The following LRRC49 variants were observed in gnomAD, a reference collection of about 807,000 sequenced individuals.
LRRC49 encodes the protein leucine rich repeat containing 49.
In LRRC49, 50 loss-of-function variants were observed where a neutral mutation model predicts 83.3. That is an observed-to-expected ratio of 0.60 (90% CI 0.48 to 0.76). The LOEUF is 0.76. Among genes scored for constraint, LRRC49 ranks in the 30% least tolerant of loss-of-function variants. LRRC49 has a pLI of 0.00. For missense variants in LRRC49, 704 were observed against 809.1 expected, an observed-to-expected ratio of 0.87 and a Z score of 1.58; for synonymous variants, 286 against 283.3, an observed-to-expected ratio of 1.01 and a Z score of -0.10.
intron 8 of LRRC49, among the ~76,000 whole-genome samples, chr15:70,937,470 C>G (rs2035640088): frequency 1.3e-5 from 2 of 152,166 alleles, no homozygotes; most frequent in South Asian, 4.1e-4. Context: ...TCTCCTCCTT[C>G]CCAGGAGCCA....
At chr15:70,995,208 A>C (rs748993208) in intron 11 of LRRC49, among the ~76,000 whole-genome samples, 3 of 152,214 alleles carry the variant, frequency 2.0e-5, no homozygotes, top group Non-Finnish European at 4.4e-5. Context: ...TAAAGAATTA[A>C]AAACCAGAAG....
At chr15:70,899,078 A>AT (rs2033959550) in intron 3 of LRRC49, among the ~76,000 whole-genome samples, 1 of 152,158 alleles carries the variant, frequency 6.6e-6, no homozygotes, top group African/African-American at 2.4e-5. Flanking sequence ...GCTGATAGTG[A>AT]TTATGACTTC....
intron 1 of LRRC49, chr15:70,893,161 G>C: frequency 1.6e-6 from 1 of 613,832 alleles, no homozygotes; most frequent in Non-Finnish European, 2.9e-6. Context: ...CTCCCCAGAA[G>C]GTGGAGCTGG....
chr15:70,950,688 A>G (rs909129915), intron 8 of LRRC49, among the ~76,000 whole-genome samples: 1 of 152,044 alleles, frequency 6.6e-6, no homozygotes, highest in Non-Finnish European at 1.5e-5. Context: ...GTTTGCAAAT[A>G]TTTTCTCCCA....
At chr15:70,960,780 C>A (rs748444389) in intron 8 of LRRC49, among the ~76,000 whole-genome samples, 1 of 152,102 alleles carries the variant, frequency 6.6e-6, no homozygotes, top group South Asian at 2.1e-4. Flanking sequence ...ACTAAATTAA[C>A]TCAAAATGGA....
At chr15:71,010,139 G>C in intron 13 of LRRC49, 147 bp downstream of exon 13, 1 of 472,224 alleles carries the variant, frequency 2.1e-6, no homozygotes, top group Non-Finnish European at 3.6e-6. Flanking sequence ...AATGTCAAAA[G>C]GCTAAGAATC....
Position 71,009,983 on chromosome 15 carries a change from T to C in LRRC49, c.1584T>C (p.Asn528=), listed in dbSNP as rs147031910. The C allele has an allele frequency of 1.0e-4, 162 of 1,592,254 alleles. No homozygotes were observed. In the African/African-American group the frequency reaches 2.0e-3, roughly 19 times the overall value. The change falls in exon 13 of 16, where the codon AAT becomes AAC. Residue 528 remains asparagine, a synonymous_variant. Transcript: ENST00000260382. ...GCCATTTCAGTATGCAGAAAATAAA[T>C]GGAACAGAGGTAAGCTAAAAACTAG... ...RLSHFSMQKI[N]GTEVTQNDMI... is the part of the protein sequence containing the mutation.
intron 15 of LRRC49, among the ~76,000 whole-genome samples, chr15:71,047,176 T>C (rs2039877820): frequency 6.6e-6 from 1 of 152,166 alleles, no homozygotes; most frequent in African/African-American, 2.4e-5. Flanking sequence ...TTCGGGCTCT[T>C]TTTTGGTTCC....
chr15:71,053,368 AT>A lies in LRRC49; in HGVS notation c.*3757del, dbSNP rs1385965982. The A allele has an allele frequency of 6.6e-6, 1 of 152,220 alleles. No homozygotes were observed. The highest frequency in any genetic ancestry group is 1.5e-5 in the Non-Finnish European group (1 of 68,054). 9.4% of individuals were successfully genotyped at this position (152,220 alleles called of 1,614,324 possible). On this transcript the variant is annotated 3_prime_UTR_variant, in exon 16 of 16. Transcript: ENST00000260382. ...GTTGCCATCAACTGAGATGAGAGCA[AT>A]CTGTGAATGGAACATCTGCTGGGAG...
intron 14 of LRRC49, among the ~76,000 whole-genome samples, chr15:71,015,638 G>C (rs2038802005): frequency 6.6e-6 from 1 of 152,196 alleles, no homozygotes. Flanking sequence ...GTGGACTAGG[G>C]CTCGGGAACC....
intron 1 of LRRC49, among the ~76,000 whole-genome samples, chr15:70,867,290 G>A (rs1216729054): frequency 6.6e-6 from 1 of 152,130 alleles, no homozygotes; most frequent in African/African-American, 2.4e-5. Flanking sequence ...AGAGCATAGA[G>A]AAGAAAAGAA....
At chr15:70,920,895 T>G (rs1291470862) in intron 7 of LRRC49, among the ~76,000 whole-genome samples, 2 of 152,184 alleles carry the variant, frequency 1.3e-5, no homozygotes, top group Non-Finnish European at 2.9e-5. Flanking sequence ...TTTCAAAGCA[T>G]CTCTTTTTTA....
At chr15:70,879,924 C>T (rs1307847388) in intron 2 of LRRC49, among the ~76,000 whole-genome samples, 1 of 152,146 alleles carries the variant, frequency 6.6e-6, no homozygotes, top group Non-Finnish European at 1.5e-5. Flanking sequence ...CATAAGAACA[C>T]ATTTAAAATA....
At chr15:71,025,452 A>G (rs1269800065) in intron 14 of LRRC49, among the ~76,000 whole-genome samples, 1 of 152,166 alleles carries the variant, frequency 6.6e-6, no homozygotes, top group East Asian at 1.9e-4. Flanking sequence ...TGAAGCAACT[A>G]CATCAACAAG....
Position 70,883,157 on chromosome 15 carries a change from A to AT in LRRC49, c.18+9945dup, listed in dbSNP as rs568160569. On this transcript the variant is annotated intron_variant, in intron 2 of 16. Coordinates refer to the LRRC49 transcript ENST00000544974. Reference sequence around the variant, plus strand: ...TGCATAAGCTATTTGCTTACAACTAATTTTTTTTTTTCTTAAATCAAAAGC... The same window carrying AT: ...TGCATAAGCTATTTGCTTACAACTAATTTTTTTTTTTTCTTAAATCAAAAGC... Among the ~76,000 whole-genome samples, 136 of 147,382 alleles carry AT rather than the reference A, an allele frequency of 9.2e-4. 1 individual carries two copies. Among genetic ancestry groups the AT allele is most frequent in the Middle Eastern group, 7.0e-3 (2 of 284 alleles).
chr15:70,882,670 A>T, intron 2 of LRRC49: 1 of 1,611,866 alleles, frequency 6.2e-7, no homozygotes, highest in Non-Finnish European at 8.5e-7. Flanking sequence ...AATAAGCATA[A>T]GTACCTATGA....
chr15:70,904,930 A>G (rs956697872), intron 5 of LRRC49, among the ~76,000 whole-genome samples, 175 bp downstream of exon 5: 1 of 152,238 alleles, frequency 6.6e-6, no homozygotes, highest in Non-Finnish European at 1.5e-5. Context: ...GAGATTCAGT[A>G]TGACAATTTG....
intron 7 of LRRC49, among the ~76,000 whole-genome samples, chr15:70,924,709 C>A (rs1009642168): frequency 6.6e-6 from 1 of 151,980 alleles, no homozygotes; most frequent in African/African-American, 2.4e-5. Context: ...GCATCTCTGT[C>A]TATCCTTCTT....
intron 6 of LRRC49, among the ~76,000 whole-genome samples, chr15:70,916,364 G>C (rs2034773347): frequency 6.6e-6 from 1 of 152,064 alleles, no homozygotes; most frequent in Admixed American, 6.6e-5. Flanking sequence ...GCGTGATCTT[G>C]GCTCACTGCA....
Sources: allele counts gnomAD v4.1 joint callset (sites outside exome capture counted in the v4.1 genomes callset), GRCh38; gene constraint gnomAD v4.1.1; transcripts MANE v1.5; gene names NCBI Gene and HGNC (gene_info 2026-07-23, HGNC 2026-07-21).